SEZ6L: variants seen among roughly 807,000 people sequenced by gnomAD.
SEZ6L encodes the protein seizure 6-like protein.
In SEZ6L, 37 loss-of-function variants were observed where a neutral mutation model predicts 106.2. The ratio of observed to expected loss-of-function variants is 0.35; its 90% CI spans 0.27 to 0.46. The LOEUF is 0.46. Among genes scored for constraint, SEZ6L ranks in the 20% least tolerant of loss-of-function variants. The pLI is 1.00. For missense variants in SEZ6L, 1,172 were observed against 1,332.8 expected (o/e 0.88, Z 1.88); for synonymous variants, 541 against 570.4 (o/e 0.95, Z 0.73).
chr22:26,188,095 A>G (rs1939917558), intron 1 of SEZ6L, among the ~76,000 whole-genome samples: 1 of 152,044 alleles, frequency 6.6e-6, no homozygotes, highest in African/African-American at 2.4e-5. Flanking sequence ...GAGAACTGGG[A>G]CCCTTCCTTC....
intron 1 of SEZ6L, among the ~76,000 whole-genome samples, chr22:26,226,563 T>G (rs2078639561): frequency 6.6e-6 from 1 of 152,188 alleles, no homozygotes; most frequent in Non-Finnish European, 1.5e-5. Flanking sequence ...TGTGGGTTTT[T>G]TGTGTGTATA....
chr22:26,380,232 G>A, intron 16 of SEZ6L, 34 bp from the exon 17 acceptor site: 1 of 1,611,046 alleles, frequency 6.2e-7, no homozygotes, highest in Non-Finnish European at 8.5e-7. Context: ...TACCACACAA[G>A]CGTTTGACAA....
At position 26,292,637 on chromosome 22, in the gene SEZ6L, C is replaced by G. The variant is rs1171087173; in HGVS notation, c.326C>G (p.Pro109Arg). ...LSPLLPEEAR[P>R]KHALPPKKKL... ...CCGCTGCTTCCAGAGGAGGCCCGCC[C>G]CAAGCACGCCTTGCCCCCCAAGAAG... The change falls in exon 2 of 17, where the codon CCC (proline) becomes CGC (arginine). Residue 109 changes from proline to arginine, a missense_variant. Coordinates refer to ENST00000248933, the MANE Select transcript of SEZ6L (RefSeq NM_021115.5). 1 of 1,613,034 alleles carries G rather than the reference C, an allele frequency of 6.2e-7. No homozygotes were observed. The highest frequency in any genetic ancestry group is 8.5e-7 in the Non-Finnish European group (1 of 1,179,758).
chr22:26,279,075 A>ATGAC (rs1253726180), intron 1 of SEZ6L, among the ~76,000 whole-genome samples: 4 of 152,002 alleles, frequency 2.6e-5, no homozygotes, highest in Non-Finnish European at 5.9e-5. Flanking sequence ...ACCACGTTGA[A>ATGAC]TGACTCCCCA....
intron 11 of SEZ6L, among the ~76,000 whole-genome samples, chr22:26,350,559 T>A (rs1453741777): frequency 1.3e-5 from 2 of 151,972 alleles, no homozygotes; most frequent in East Asian, 3.9e-4. Context: ...AAAAGAGGAA[T>A]TAAATTCAAG....
At chr22:26,271,848 C>A (rs2080380139) in intron 1 of SEZ6L, among the ~76,000 whole-genome samples, 1 of 152,202 alleles carries the variant, frequency 6.6e-6, no homozygotes, top group Non-Finnish European at 1.5e-5. Context: ...AGCAGACTAA[C>A]AGAGAAATGT....
Position 26,351,215 on chromosome 22 carries a change from C to T in SEZ6L, c.2571C>T (p.Ile857=). Residue 857 remains isoleucine (I), a synonymous_variant, in exon 12 of 17, where the codon ATC becomes ATT. Coordinates refer to ENST00000248933, the MANE Select transcript of SEZ6L (RefSeq NM_021115.5). ...ACAGCCGTGAAACAGGGACTCCCAT[C>T]TGGACGTCTCGCCTGCCCCACTGCG... ...TCYSRETGTP[I]WTSRLPHCVS... The T allele has an allele frequency of 1.2e-6, 2 of 1,614,118 alleles. No individual in the cohort carries two copies. The highest frequency in any genetic ancestry group is 1.7e-6 in the Non-Finnish European group (2 of 1,179,982).
chr22:26,262,016 G>A (rs1292525174), intron 1 of SEZ6L, among the ~76,000 whole-genome samples: 2 of 152,072 alleles, frequency 1.3e-5, no homozygotes, highest in Non-Finnish European at 1.5e-5. Flanking sequence ...GAGTTTGTTT[G>A]ACCCAGCCCT....
At chr22:26,213,411 T>C (rs2078215765) in intron 1 of SEZ6L, among the ~76,000 whole-genome samples, 1 of 152,244 alleles carries the variant, frequency 6.6e-6, no homozygotes, top group African/African-American at 2.4e-5. Flanking sequence ...GTGTTCAGTT[T>C]AGCTTGAATT....
chr22:26,319,427 A>G (rs581562), intron 9 of SEZ6L, among the ~76,000 whole-genome samples: 110,408 of 152,158 alleles, frequency 0.73, 40,206 homozygotes, highest in African/African-American at 0.79. Flanking sequence ...TAAAGCCAGT[A>G]TTCTTACAAA....
At chr22:26,306,540 A>G (rs1339107184) in intron 6 of SEZ6L, among the ~76,000 whole-genome samples, 2 of 152,378 alleles carry the variant, frequency 1.3e-5, no homozygotes, top group South Asian at 2.1e-4. Flanking sequence ...AGTTTCTGAC[A>G]TGATAGGAAA....
At chr22:26,265,792 A>G (rs1207115043) in intron 1 of SEZ6L, among the ~76,000 whole-genome samples, 4 of 152,216 alleles carry the variant, frequency 2.6e-5, no homozygotes, top group Non-Finnish European at 5.9e-5. Context: ...GGCAAGAGGC[A>G]GACATGCCTT....
intron 1 of SEZ6L, among the ~76,000 whole-genome samples, chr22:26,285,134 G>A (rs1161562459): frequency 6.6e-6 from 1 of 152,148 alleles, no homozygotes; most frequent in Non-Finnish European, 1.5e-5. Context: ...TGTTCCAGAA[G>A]GTCTTCTCAA....
chr22:26,348,650 G>GAA lies in SEZ6L; in HGVS notation c.2407+739_2407+740dup, dbSNP rs1396364444. On this transcript the variant is annotated intron_variant, in intron 11 of 16. Coordinates refer to ENST00000248933, the MANE Select transcript of SEZ6L (RefSeq NM_021115.5). ...AAAGAAAGAAAGAAAGAAAGAAAAA[G>GAA]AAAGAAAGAAAGAAAGAAAGAAAGA... Among the ~76,000 whole-genome samples the GAA allele has an allele frequency of 5.3e-3, 100 of 18,830 alleles. 1 individual carries two copies. Among genetic ancestry groups the GAA allele is most frequent in the Non-Finnish European group, 7.1e-3 (66 of 9,296 alleles). The allele number at this position is 18,830 out of a possible 152,430, so 12.4% of individuals were successfully genotyped here.
intron 8 of SEZ6L, 49 bp downstream of exon 8, chr22:26,312,011 C>A: frequency 6.4e-7 from 1 of 1,566,834 alleles, no homozygotes; most frequent in Non-Finnish European, 8.7e-7. Context: ...GGATCTCCAC[C>A]CTTTGGATGA....
At chr22:26,321,306 A>T (rs2082146291) in intron 9 of SEZ6L, among the ~76,000 whole-genome samples, 2 of 152,200 alleles carry the variant, frequency 1.3e-5, no homozygotes, top group Non-Finnish European at 2.9e-5. Context: ...CCCACTTGCC[A>T]TGTCTCCAGG....
At chr22:26,294,464 T>C in intron 3 of SEZ6L, 39 bp downstream of exon 3, 1 of 1,596,926 alleles carries the variant, frequency 6.3e-7, no homozygotes, top group Non-Finnish European at 8.6e-7. Context: ...CTGCCTCGTC[T>C]AGCAGGAAGT....
At chr22:26,256,156 TG>T (rs1204186241) in intron 1 of SEZ6L, among the ~76,000 whole-genome samples, 1 of 152,074 alleles carries the variant, frequency 6.6e-6, no homozygotes, top group Non-Finnish European at 1.5e-5. Context: ...AGCAAGTAGT[TG>T]GAGAAGTAAG....
intron 1 of SEZ6L, among the ~76,000 whole-genome samples, chr22:26,276,980 C>A (rs993266837): frequency 6.0e-4 from 91 of 152,186 alleles, no homozygotes; most frequent in African/African-American, 2.2e-3. Flanking sequence ...TGTAACTGGA[C>A]ATAAAAGAAT....
Sources: allele counts gnomAD v4.1 joint callset (sites outside exome capture counted in the v4.1 genomes callset), GRCh38; gene constraint gnomAD v4.1.1; transcripts MANE v1.5; gene names NCBI Gene and HGNC (gene_info 2026-07-23, HGNC 2026-07-21).